KCNIP4: variants seen among roughly 807,000 people sequenced by gnomAD.
KCNIP4 encodes potassium voltage-gated channel interacting protein 4, also known as Kv channel-interacting protein 4.
Under a neutral mutation model 34.0 loss-of-function variants are expected in KCNIP4, and 12 were observed. That is an observed-to-expected ratio of 0.35 (90% CI 0.23 to 0.57). The LOEUF (loss-of-function observed/expected upper bound fraction) is 0.57. Ranked by LOEUF, KCNIP4 falls within the 20% of genes least tolerant of loss-of-function variation. KCNIP4 has a pLI of 0.83. For synonymous variants in KCNIP4, 124 were observed against 102.2 expected, an observed-to-expected ratio of 1.21 and a Z score of -1.29; for missense variants, 238 against 311.7, an observed-to-expected ratio of 0.76 and a Z score of 1.78.
rs146158133 is a variant in KCNIP4 at position 21,074,997 on chromosome 4, T to G, written c.62-192288A>C. Among the ~76,000 whole-genome samples the G allele has an allele frequency of 0.014, 2,169 of 152,210 alleles. 84 individuals are homozygous for G. The East Asian group carries it at 0.17, about 12-fold the overall frequency. On this transcript the variant is annotated intron_variant, in intron 1 of 8. Coordinates refer to ENST00000382152, the MANE Select transcript of KCNIP4 (RefSeq NM_025221.6). ...CTCTAGTTTGATTGCACTGTGGTCT[T>G]AGAGACAGTTTGTTACAATTTCTGT...
chr4:21,119,484 T>C (rs775346992), intron 1 of KCNIP4, among the ~76,000 whole-genome samples: 2 of 147,368 alleles, frequency 1.4e-5, no homozygotes, highest in South Asian at 4.4e-4. Flanking sequence ...CACAACTTTC[T>C]ACATTTGTTG....
chr4:20,913,202 T>C (rs912779885), intron 1 of KCNIP4, among the ~76,000 whole-genome samples: 4 of 151,948 alleles, frequency 2.6e-5, no homozygotes, highest in Non-Finnish European at 4.4e-5. Flanking sequence ...AATAGTGATA[T>C]GTGCTACCAC....
intron 1 of KCNIP4, among the ~76,000 whole-genome samples, chr4:21,295,223 A>G (rs55979340): frequency 1.6e-4 from 24 of 152,250 alleles, no homozygotes; most frequent in Admixed American, 3.9e-4. Flanking sequence ...CGCTCACACG[A>G]AAGATTGGGC....
At chr4:20,807,496 A>T (rs370803233) in intron 3 of KCNIP4, among the ~76,000 whole-genome samples, 5 of 148,984 alleles carry the variant, frequency 3.4e-5, no homozygotes, top group South Asian at 4.3e-4. Context: ...TTTAATTGTT[A>T]AAAAAAAAGA....
At chr4:21,515,737 A>C (rs1403457856) in intron 1 of KCNIP4, among the ~76,000 whole-genome samples, 2 of 152,174 alleles carry the variant, frequency 1.3e-5, no homozygotes, top group African/African-American at 4.8e-5. Context: ...CATTATCCCA[A>C]AAGTGGGTTC....
intron 1 of KCNIP4, among the ~76,000 whole-genome samples, chr4:21,121,967 G>A (rs868653787): frequency 6.6e-6 from 1 of 152,148 alleles, no homozygotes; most frequent in Admixed American, 6.6e-5. Flanking sequence ...GTATGTAAAA[G>A]TATCAAAAAT....
At chr4:21,769,932 G>A (rs955145182) in intron 1 of KCNIP4, among the ~76,000 whole-genome samples, 2 of 152,092 alleles carry the variant, frequency 1.3e-5, no homozygotes, top group African/African-American at 4.8e-5. Flanking sequence ...ATGAGAATGG[G>A]ACCTAGGAGG....
chr4:21,503,265 C>A (rs1733511963), intron 1 of KCNIP4, among the ~76,000 whole-genome samples: 1 of 152,122 alleles, frequency 6.6e-6, no homozygotes, highest in South Asian at 2.1e-4. Context: ...TTGCCAAATT[C>A]TCCTAAATAC....
intron 5 of KCNIP4, among the ~76,000 whole-genome samples, chr4:20,739,322 A>G (rs1045373317): frequency 6.6e-6 from 1 of 152,190 alleles, no homozygotes; most frequent in Admixed American, 6.5e-5. Flanking sequence ...TAACTGGGAA[A>G]CACCTCCTAG....
intron 1 of KCNIP4, among the ~76,000 whole-genome samples, chr4:21,123,946 A>T (rs1194749282): frequency 6.6e-6 from 1 of 152,150 alleles, no homozygotes; most frequent in Non-Finnish European, 1.5e-5. Context: ...CTGTGAGAAA[A>T]TAAATGTCCG....
intron 1 of KCNIP4, among the ~76,000 whole-genome samples, chr4:21,455,808 CATAT>C (rs1171436191): frequency 0.037 from 2,629 of 70,284 alleles, 62 homozygotes; most frequent in East Asian, 0.069. Context: ...TACAGATATT[CATAT>C]ATATATATAT....
chr4:21,592,772 T>A (rs1411075178), intron 1 of KCNIP4, among the ~76,000 whole-genome samples: 1 of 152,102 alleles, frequency 6.6e-6, no homozygotes, highest in East Asian at 1.9e-4. Flanking sequence ...ATATAGAGAT[T>A]CAACAAGAGC....
chr4:21,642,002 A>T (rs532186778), intron 1 of KCNIP4, among the ~76,000 whole-genome samples: 13 of 152,244 alleles, frequency 8.5e-5, no homozygotes, highest in Non-Finnish European at 1.3e-4. Context: ...CTATGTTCTT[A>T]CTAGAATAGT....
In KCNIP4 at chr4:21,112,748, C is replaced by T. The variant is rs564373404; in HGVS notation, c.62-230039G>A. ...GGGAAAACTGAGGCAGCCTACCAGG[C>T]CCCTAAATATAATCTGTAGTGTATT... On this transcript the variant is annotated intron_variant, in intron 1 of 8. Coordinates refer to ENST00000382152, the MANE Select transcript of KCNIP4 (RefSeq NM_025221.6). 2.6e-5 allele frequency among the ~76,000 whole-genome samples: 4 copies of T among 152,266 alleles called. No homozygotes were observed. The South Asian group carries it at 8.3e-4, about 32-fold the overall frequency.
intron 1 of KCNIP4, among the ~76,000 whole-genome samples, chr4:20,949,439 A>T (rs1732537730): frequency 6.6e-6 from 1 of 152,194 alleles, no homozygotes; most frequent in Admixed American, 6.5e-5. Context: ...CCATTGTGGA[A>T]GTCAGTGTGG....
At chr4:21,635,261 T>G (rs11727773) in intron 1 of KCNIP4, among the ~76,000 whole-genome samples, 43,982 of 152,008 alleles carry the variant, frequency 0.29, 6,642 homozygotes, top group Non-Finnish European at 0.32. Context: ...CTTTCTAATG[T>G]CAATTCTCGA....
intron 1 of KCNIP4, among the ~76,000 whole-genome samples, chr4:20,897,925 C>T (rs1004033392): frequency 7.9e-5 from 12 of 151,994 alleles, no homozygotes; most frequent in Admixed American, 2.6e-4. Context: ...TAAGGGATAC[C>T]CAGATACCTG....
At chr4:21,506,961 T>G (rs931265493) in intron 1 of KCNIP4, among the ~76,000 whole-genome samples, 8 of 151,986 alleles carry the variant, frequency 5.3e-5, no homozygotes, top group African/African-American at 1.7e-4. Flanking sequence ...CCGTCTTTTT[T>G]TGTGTGTGTG....
At chr4:21,131,567 AC>A (rs1480640596) in intron 1 of KCNIP4, among the ~76,000 whole-genome samples, 2 of 152,116 alleles carry the variant, frequency 1.3e-5, no homozygotes, top group Non-Finnish European at 2.9e-5. Context: ...CCGAGATTGC[AC>A]CACTGCACTC....
Sources: gnomAD v4.1 joint callset for allele counts (sites outside exome capture counted in the v4.1 genomes callset) on GRCh38, gnomAD v4.1.1 for gene constraint, MANE v1.5 for transcripts, NCBI Gene and HGNC (gene_info 2026-07-23, HGNC 2026-07-21) for gene names.